Variants in CYP51A1 observed in about 807,000 individuals in gnomAD.
CYP51A1 encodes the protein cytochrome P450 family 51 subfamily A member 1.
CYP51A1 carries 45 observed loss-of-function variants against 53.5 expected under a neutral mutation model. The ratio of observed to expected loss-of-function variants is 0.84; its 90% confidence interval spans 0.66 to 1.08. The LOEUF (loss-of-function observed/expected upper bound fraction) is 1.08. Among genes scored for constraint, CYP51A1 ranks in the 50% least tolerant of loss-of-function variants. CYP51A1 has a pLI of 0.00. For missense variants in CYP51A1, 462 were observed against 621.7 expected, an observed-to-expected ratio of 0.74 and a Z score of 2.73; for synonymous variants, 181 against 217.7, an observed-to-expected ratio of 0.83 and a Z score of 1.48.
intron 2 of CYP51A1, 25 bp downstream of exon 2, chr7:92,131,749 T>TTC: frequency 1.4e-5 from 17 of 1,227,696 alleles, no homozygotes; most frequent in Non-Finnish European, 2.0e-5. Context: ...TTTTTTTTTT[T>TTC]CCTCTAATTA....
At position 92,112,894 on chromosome 7, in the gene CYP51A1, T is replaced by TTGAC. The variant is rs1218495791; in HGVS notation, c.*767_*770dup. Reference sequence around the variant, plus strand: ...CAAAACAAAATTATCCCCTAAGGACTTGACTTTGGACTTCCACATAAATGT... The same window carrying TTGAC: ...CAAAACAAAATTATCCCCTAAGGACTTGACTGACTTTGGACTTCCACATAAATGT... On this transcript the variant is annotated 3_prime_UTR_variant, in exon 10 of 10. Transcript: ENST00000003100. 6.6e-6 allele frequency: 1 copy of TTGAC among 151,380 alleles called. No individual in the cohort carries two copies. Among genetic ancestry groups the TTGAC allele is most frequent in the Non-Finnish European group, 1.5e-5 (1 of 67,964 alleles). The allele number at this position is 151,380 out of a possible 1,614,324, so 9.4% of individuals were successfully genotyped here.
chr7:92,116,015 T>C (rs1374756585), intron 9 of CYP51A1, among the ~76,000 whole-genome samples: 1 of 152,232 alleles, frequency 6.6e-6, no homozygotes, highest in African/African-American at 2.4e-5. Flanking sequence ...CTCACGCCTG[T>C]AATCCCAGCA....
At chr7:92,128,428 C>CTCTGTGTGTGTGTGTGTGTGTGTGTG (rs112952169) in intron 3 of CYP51A1, among the ~76,000 whole-genome samples, 8 of 143,044 alleles carry the variant, frequency 5.6e-5, no homozygotes, top group African/African-American at 1.6e-4. Flanking sequence ...TGGTTGGTTT[C>CTCTGTGTGTGTGTGTGTGTGTGTGTG]TGTGTGTGTG....
chr7:92,119,282 T>C (rs1044168691), intron 7 of CYP51A1, among the ~76,000 whole-genome samples: 1 of 152,164 alleles, frequency 6.6e-6, no homozygotes, highest in African/African-American at 2.4e-5. Flanking sequence ...TAAGAGAATC[T>C]TGAAGGCCAC....
Position 92,134,167 on chromosome 7 carries a change from A to G in CYP51A1, c.192+6T>C, listed in dbSNP as rs1407172507. 13 of 1,611,082 alleles carry G rather than the reference A, an allele frequency of 8.1e-6. No homozygotes were observed. Among genetic ancestry groups the G allele is most frequent in the Non-Finnish European group, 1.1e-5 (13 of 1,179,546 alleles). The stretch of plus-strand genomic sequence containing the variant: ...GCCCCACTCAGACCCTAAAGAATGT[A>G]CGTACCACCCCTGCGGGCAGCTGGA... On this transcript the variant is annotated splice_donor_region_variant and intron_variant, in intron 1 of 9. Coordinates refer to ENST00000003100, the MANE Select transcript of CYP51A1 (RefSeq NM_000786.4).
At chr7:92,121,829 A>G (rs1367661539) in intron 7 of CYP51A1, among the ~76,000 whole-genome samples, 1 of 152,218 alleles carries the variant, frequency 6.6e-6, no homozygotes, top group African/African-American at 2.4e-5. Context: ...AGAATGAAGC[A>G]TGACTGCTAA....
chr7:92,115,626 C>T (rs1045976432), intron 9 of CYP51A1, among the ~76,000 whole-genome samples: 1 of 152,066 alleles, frequency 6.6e-6, no homozygotes, highest in Non-Finnish European at 1.5e-5. Context: ...TTAAGCCACC[C>T]ATATTGTAAT....
chr7:92,131,905 T>C, intron 1 of CYP51A1, 33 bp from the exon 2 acceptor site: 1 of 1,306,028 alleles, frequency 7.7e-7, no homozygotes, highest in Non-Finnish European at 1.1e-6. Context: ...ATTCAATTCG[T>C]GTTTCATTTC....
At chr7:92,122,348 CTA>C (rs1414078200) in intron 7 of CYP51A1, among the ~76,000 whole-genome samples, 2 of 150,960 alleles carry the variant, frequency 1.3e-5, no homozygotes, top group Non-Finnish European at 3.0e-5. Context: ...CAAATACATT[CTA>C]TGAGATGAGT....
rs567607163 is a variant in CYP51A1 at position 92,121,261 on chromosome 7, A to G, written c.1086+1859T>C. On this transcript the variant is annotated intron_variant, in intron 7 of 9. Transcript: ENST00000003100. Reference sequence around the variant, plus strand: ...CGCGCCATTGCACTAGAGCCTGGGCATCACACCAAGACTCTGTCTCAAAAA... The same window carrying G: ...CGCGCCATTGCACTAGAGCCTGGGCGTCACACCAAGACTCTGTCTCAAAAA... Among the ~76,000 whole-genome samples the G allele has an allele frequency of 2.4e-3, 360 of 151,658 alleles. 2 individuals are homozygous for G. Among genetic ancestry groups the G allele is most frequent in the African/African-American group, 8.2e-3 (338 of 41,244 alleles).
intron 5 of CYP51A1, among the ~76,000 whole-genome samples, chr7:92,124,091 C>A (rs916747625): frequency 6.6e-6 from 1 of 152,114 alleles, no homozygotes; most frequent in Non-Finnish European, 1.5e-5. Flanking sequence ...ACATATATAT[C>A]CCAGATTCTT....
At position 92,123,854 on chromosome 7, in the gene CYP51A1, C is replaced by G; in HGVS notation, c.771-1G>C. 1.3e-6 allele frequency: 2 copies of G among 1,577,084 alleles called. No individual in the cohort carries two copies. The highest frequency in any genetic ancestry group is 2.4e-5 in the South Asian group (2 of 84,742). ...TTCCCGATGAGCTCTGTCCCTGCGTCTGTAATTAAAAGATAAAGATGATTT... is the reference window on the plus strand; with the variant it reads ...TTCCCGATGAGCTCTGTCCCTGCGTGTGTAATTAAAAGATAAAGATGATTT... On this transcript the variant is annotated splice_acceptor_variant, in intron 5 of 9. Coordinates refer to ENST00000003100, the MANE Select transcript of CYP51A1 (RefSeq NM_000786.4). LOFTEE classifies it high-confidence loss of function.
At chr7:92,126,571 C>A (rs1174856880) in intron 4 of CYP51A1, 144 bp from the exon 5 acceptor site, 1 of 680,160 alleles carries the variant, frequency 1.5e-6, no homozygotes, top group Admixed American at 3.3e-5. Context: ...CTATGTACAA[C>A]AACAAAGAGG....
chr7:92,120,945 A>G (rs1380997413), intron 7 of CYP51A1, among the ~76,000 whole-genome samples: 1 of 152,164 alleles, frequency 6.6e-6, no homozygotes, highest in Non-Finnish European at 1.5e-5. Flanking sequence ...AAGCCAAAGA[A>G]CACATCATAA....
At chr7:92,133,316 G>C (rs1416994633) in intron 1 of CYP51A1, among the ~76,000 whole-genome samples, 1 of 151,658 alleles carries the variant, frequency 6.6e-6, no homozygotes, top group Admixed American at 6.6e-5. Flanking sequence ...GTCCAGTGGC[G>C]CAATCTCGGT....
rs759739146 is a variant in CYP51A1, at chr7:92,128,455, T to TGTGTGTGTGTGTGTGTGC, written c.468+424_468+425insGCACACACACACACACAC. 2.9e-5 allele frequency among the ~76,000 whole-genome samples: 3 copies of TGTGTGTGTGTGTGTGTGC among 102,046 alleles called. 1 individual carries two copies. The highest frequency in any genetic ancestry group is 1.8e-4 in the Admixed American group (2 of 10,990). 66.9% of individuals were successfully genotyped at this position (102,046 alleles called of 152,430 possible). A position where few individuals can be genotyped will look rare whatever the true frequency, so the allele number is the denominator to read the frequency against. On this transcript the variant is annotated intron_variant, in intron 3 of 9. Coordinates refer to ENST00000003100, the MANE Select transcript of CYP51A1 (RefSeq NM_000786.4). ...GTGTGTGTGTGTGTGTGTGTGTGTG[T>TGTGTGTGTGTGTGTGTGC]GCGCGTGCGTGTGTGTGTGTGTGTT...
rs1319543851 is a variant in CYP51A1 at position 92,126,390 on chromosome 7, T to A, written c.633A>T (p.Thr211=). ...CCTTTCCATGCAAACAATGGCTAGC[T>A]GTTAAAATTATGAGCTCAGAAAGAG... ...FEALSELIIL[T]ASHCLHGKEI... Residue 211 remains threonine, a synonymous_variant, in exon 5 of 10, where the codon ACA becomes ACT. Coordinates refer to ENST00000003100, the MANE Select transcript of CYP51A1 (RefSeq NM_000786.4). 6.2e-7 allele frequency: 1 copy of A among 1,613,782 alleles called. No homozygotes were observed. The highest frequency in any genetic ancestry group is 1.1e-5 in the South Asian group (1 of 91,036).
At chr7:92,117,713 G>A (rs1477303885) in intron 8 of CYP51A1, among the ~76,000 whole-genome samples, 3 of 152,062 alleles carry the variant, frequency 2.0e-5, no homozygotes, top group Non-Finnish European at 4.4e-5. Context: ...ATGTAGGCCG[G>A]GCGCGGGATT....
intron 1 of CYP51A1, 134 bp downstream of exon 1, chr7:92,134,039 G>C: frequency 1.2e-6 from 1 of 824,436 alleles, no homozygotes; most frequent in South Asian, 1.9e-5. Flanking sequence ...CCAAAGCCAC[G>C]CCAAGCATGG....
Sources: allele counts gnomAD v4.1 joint callset (sites outside exome capture counted in the v4.1 genomes callset), GRCh38; gene constraint gnomAD v4.1.1; transcripts MANE v1.5; gene names NCBI Gene and HGNC (gene_info 2026-07-23, HGNC 2026-07-21).